The following CSGALNACT1 variants were observed in gnomAD, a reference collection of about 807,000 sequenced individuals.
The protein encoded by CSGALNACT1 is beta4GalNAcT-1.
A neutral mutation model predicts 51.0 loss-of-function variants in CSGALNACT1; 52 were observed. The ratio of observed to expected loss-of-function variants is 1.02; its 90% CI spans 0.82 to 1.29. CSGALNACT1 has a LOEUF of 1.29. Ranked by LOEUF, CSGALNACT1 falls within the 50% of genes most tolerant of loss-of-function variation. The pLI is 0.00. For missense variants in CSGALNACT1, 935 were observed against 679.2 expected (o/e 1.38, Z -4.19); for synonymous variants, 341 against 254.4 (o/e 1.34, Z -3.24).
In CSGALNACT1 at chr8:19,620,620, G is replaced by C. The variant is rs115527830; in HGVS notation, c.-543-18755C>G. ...CTAATTTATGTTTTTGTATTGTTGA[G>C]ATGGGGGTCTCACTACGTTGCCCAG... is the stretch of plus-strand genomic sequence containing the variant. On this transcript the variant is annotated intron_variant, in intron 1 of 9. Transcript: ENST00000332246. Among the ~76,000 whole-genome samples the C allele has an allele frequency of 8.5e-3, 1,293 of 152,100 alleles. 23 individuals carry two copies. The highest frequency in any genetic ancestry group is 0.03 in the African/African-American group (1,228 of 41,494).
At chr8:19,569,383 C>A (rs2042536252) in intron 3 of CSGALNACT1, among the ~76,000 whole-genome samples, 3 of 152,160 alleles carry the variant, frequency 2.0e-5, no homozygotes, top group Admixed American at 2.0e-4. Flanking sequence ...ACAGTAAACT[C>A]ATCAAAGCAG....
intron 3 of CSGALNACT1, among the ~76,000 whole-genome samples, chr8:19,513,462 A>ATATATATATATATATATATATATATTTT (rs1226907527): frequency 1.4e-5 from 2 of 140,214 alleles, no homozygotes; most frequent in African/African-American, 5.4e-5. Context: ...ATATATATAT[A>ATATATATATATATATATATATATATTTT]TTTTGTGCCA....
At chr8:19,669,254 A>G (rs1360199596) in intron 1 of CSGALNACT1, among the ~76,000 whole-genome samples, 2 of 152,358 alleles carry the variant, frequency 1.3e-5, no homozygotes, top group East Asian at 3.8e-4. Context: ...GCAACCACAG[A>G]AGAGGAAAAT....
chr8:19,595,353 T>C (rs548892273), intron 2 of CSGALNACT1, among the ~76,000 whole-genome samples: 4 of 152,310 alleles, frequency 2.6e-5, no homozygotes, highest in African/African-American at 7.2e-5. Flanking sequence ...AATCCAAGAA[T>C]TGGTACTTGG....
At chr8:19,483,904 C>T (rs577678255) in intron 4 of CSGALNACT1, among the ~76,000 whole-genome samples, 8 of 152,226 alleles carry the variant, frequency 5.3e-5, no homozygotes, top group South Asian at 4.2e-4. Context: ...CCCCACTTAC[C>T]GACTATTTTG....
chr8:19,646,833 G>A (rs149202583), intron 1 of CSGALNACT1, among the ~76,000 whole-genome samples: 63 of 152,204 alleles, frequency 4.1e-4, no homozygotes, highest in African/African-American at 1.3e-3. Flanking sequence ...CATCTATTGC[G>A]TTGACCTGCA....
intron 1 of CSGALNACT1, among the ~76,000 whole-genome samples, chr8:19,627,939 T>C (rs1328986163): frequency 6.6e-6 from 1 of 152,314 alleles, no homozygotes; most frequent in Non-Finnish European, 1.5e-5. Context: ...GTACTATAAC[T>C]ATGAAAGATG....
intron 4 of CSGALNACT1, among the ~76,000 whole-genome samples, chr8:19,493,719 CATTCTGTTT>C (rs1419437332): frequency 6.6e-6 from 1 of 152,160 alleles, no homozygotes; most frequent in Non-Finnish European, 1.5e-5. Flanking sequence ...TGCAATTCCA[CATTCTGTTT>C]ATTGATCCAT....
intron 5 of CSGALNACT1, among the ~76,000 whole-genome samples, chr8:19,454,552 T>C (rs180816942): frequency 1.9e-3 from 289 of 152,274 alleles, no homozygotes; most frequent in African/African-American, 6.4e-3. Context: ...ATGCCTGTAA[T>C]CCCAGCTACT....
intron 3 of CSGALNACT1, among the ~76,000 whole-genome samples, chr8:19,510,935 T>C (rs989771994): frequency 1.3e-5 from 2 of 152,334 alleles, no homozygotes; most frequent in East Asian, 3.9e-4. Context: ...CAGAAGTTGC[T>C]CTCAGTTTGA....
intron 1 of CSGALNACT1, among the ~76,000 whole-genome samples, chr8:19,639,142 T>G (rs980576212): frequency 1.3e-5 from 2 of 152,212 alleles, no homozygotes; most frequent in African/African-American, 4.8e-5. Flanking sequence ...TAAAGAGGCC[T>G]GTTATCCTGT....
intron 3 of CSGALNACT1, among the ~76,000 whole-genome samples, chr8:19,518,447 G>C (rs940460827): frequency 6.6e-6 from 1 of 152,072 alleles, no homozygotes; most frequent in Non-Finnish European, 1.5e-5. Flanking sequence ...AATAATATTA[G>C]GGTGGGGTGA....
At chr8:19,643,245 C>T (rs1414948953) in intron 1 of CSGALNACT1, among the ~76,000 whole-genome samples, 1 of 152,040 alleles carries the variant, frequency 6.6e-6, no homozygotes, top group African/African-American at 2.4e-5. Flanking sequence ...CCAACTAGGA[C>T]AATGCTTTCA....
chr8:19,679,217 C>A (rs1223273885), intron 1 of CSGALNACT1, among the ~76,000 whole-genome samples: 1 of 152,166 alleles, frequency 6.6e-6, no homozygotes, highest in East Asian at 1.9e-4. Context: ...CTTTGGGAGG[C>A]CGAGTAACGT....
At chr8:19,707,959 G>A (rs540597609) in intron 1 of CSGALNACT1, among the ~76,000 whole-genome samples, 1 of 152,200 alleles carries the variant, frequency 6.6e-6, no homozygotes, top group African/African-American at 2.4e-5. Context: ...AGTGAGCTGA[G>A]ATGGCGCCAC....
At chr8:19,699,366 AG>A (rs1360816121) in intron 1 of CSGALNACT1, among the ~76,000 whole-genome samples, 2 of 152,246 alleles carry the variant, frequency 1.3e-5, no homozygotes. Context: ...TATTTGCAAC[AG>A]CCAAAAGGTG....
chr8:19,663,954 G>T (rs1291373282), intron 1 of CSGALNACT1, among the ~76,000 whole-genome samples: 1 of 152,210 alleles, frequency 6.6e-6, no homozygotes, highest in African/African-American at 2.4e-5. Context: ...TGTACAAAGA[G>T]TAGAAGTGAC....
intron 6 of CSGALNACT1, among the ~76,000 whole-genome samples, chr8:19,429,471 C>G (rs560295352): frequency 6.6e-6 from 1 of 152,246 alleles, no homozygotes; most frequent in Non-Finnish European, 1.5e-5. Context: ...GCCACTGGCA[C>G]CTGGCCATTA....
At chr8:19,654,601 G>A (rs1405974735) in intron 1 of CSGALNACT1, among the ~76,000 whole-genome samples, 2 of 152,152 alleles carry the variant, frequency 1.3e-5, no homozygotes. Flanking sequence ...CTGGAGTGCA[G>A]TGTTGTGATG....
Sources: gnomAD v4.1 joint callset for allele counts (sites outside exome capture counted in the v4.1 genomes callset) on GRCh38, gnomAD v4.1.1 for gene constraint, MANE v1.5 for transcripts, NCBI Gene and HGNC (gene_info 2026-07-23, HGNC 2026-07-21) for gene names.